The following HRH3 variants were observed in gnomAD, a reference collection of about 807,000 sequenced individuals.
HRH3 encodes the protein histamine H3 receptor.
Under a neutral mutation model 21.6 loss-of-function variants are expected in HRH3, and 13 were observed. The observed-to-expected ratio is 0.60, with a 90% CI of 0.39 to 0.96. The LOEUF is 0.96. Ranked by LOEUF, HRH3 falls within the 40% of genes least tolerant of loss-of-function variation. The probability of loss-of-function intolerance (pLI) is 0.00; values close to 1 mark genes in which losing one functional copy is unlikely to be tolerated. For missense variants in HRH3, 461 were observed against 622.7 expected, an observed-to-expected ratio of 0.74 and a Z score of 2.76; for synonymous variants, 276 against 290.3, an observed-to-expected ratio of 0.95 and a Z score of 0.50.
rs1459081653 is a variant in HRH3, at chr20:62,218,738, C to T, written c.251-81G>A. 7.2e-7 allele frequency: 1 copy of T among 1,385,322 alleles called. No homozygotes were observed. Among genetic ancestry groups the T allele is most frequent in the South Asian group, 1.3e-5 (1 of 78,630 alleles). The allele number at this position is 1,385,322 out of a possible 1,614,324, so 85.8% of individuals were successfully genotyped here. On this transcript the variant is annotated intron_variant, in intron 1 of 2. Coordinates refer to ENST00000340177, the MANE Select transcript of HRH3 (RefSeq NM_007232.3). This position sits in a 1 kb window ranked among gnomAD's most constrained non-coding sequence, Gnocchi z 5.6. ...GACCTAAGCGCAGACACCGGCGGGA[C>T]CTGGGGTCACATGGTGGCTGCTTTT... is the stretch of plus-strand genomic sequence containing the variant.
In HRH3 at chr20:62,215,058, T is replaced by G; in HGVS notation, c.*948A>C. ...GAGCATGCAGAGCGCGTGGCACGGG[T>G]GCACAGCACATGGCGAAGCGGCCCC... is the stretch of plus-strand genomic sequence containing the variant. On this transcript the variant is annotated 3_prime_UTR_variant, in exon 3 of 3. Transcript: ENST00000340177. 1 of 310,150 alleles carries G rather than the reference T, an allele frequency of 3.2e-6. No individual in the cohort carries two copies. 19.2% of individuals were successfully genotyped at this position (310,150 alleles called of 1,614,324 possible).
At chr20:62,217,020 T>G (rs991703424) in intron 2 of HRH3, 94 bp from the exon 3 acceptor site, 6 of 1,189,760 alleles carry the variant, frequency 5.0e-6, no homozygotes, top group Non-Finnish European at 6.9e-6. Context: ...GGCCCTTCCC[T>G]CAGCAGCAAT....
chr20:62,219,894 G>T lies in HRH3; in HGVS notation c.77C>A (p.Ala26Glu). ...GGTCCAGGCTGCCGAGAAGCCGCGC[G>T]CCCCGCCCGCCGCCGCCGCCTCGCC... is the stretch of plus-strand genomic sequence containing the variant. ...LAGEAAAAGG[A>E]RGFSAAWTAV... is the part of the protein sequence containing the mutation. The change falls in exon 1 of 3, where the codon GCG (alanine) becomes GAG (glutamate). Residue 26 changes from alanine to glutamate, a missense_variant. Coordinates refer to ENST00000340177, the MANE Select transcript of HRH3 (RefSeq NM_007232.3). The surrounding 1 kb of genome is among the most constrained non-coding windows in gnomAD (Gnocchi z 8.7). 2 of 1,382,334 alleles carry T rather than the reference G, an allele frequency of 1.4e-6. No individual in the cohort carries two copies. Among genetic ancestry groups the T allele is most frequent in the East Asian group, 3.2e-5 (1 of 31,744 alleles). 85.6% of individuals were successfully genotyped at this position (1,382,334 alleles called of 1,614,324 possible). A position where few individuals can be genotyped will look rare whatever the true frequency, so the allele number is the denominator to read the frequency against.
At chr20:62,217,468 G>A (rs1318029899) in intron 2 of HRH3, among the ~76,000 whole-genome samples, 1 of 152,246 alleles carries the variant, frequency 6.6e-6, no homozygotes, top group African/African-American at 2.4e-5. Context: ...CCCCGCCACA[G>A]AACAAAGCAT....
At chr20:62,216,956 G>C in intron 2 of HRH3, 30 bp from the exon 3 acceptor site, 2 of 1,559,518 alleles carry the variant, frequency 1.3e-6, no homozygotes, top group Non-Finnish European at 1.7e-6. Flanking sequence ...TCAGGGGCGG[G>C]GCGGAAGGAA....
rs1978513838 is a variant in HRH3 at position 62,215,861 on chromosome 20, G to A, written c.*145C>T. 1 of 802,418 alleles carries A rather than the reference G, an allele frequency of 1.2e-6. No homozygotes were observed. Among genetic ancestry groups the A allele is most frequent in the Admixed American group, 2.9e-5 (1 of 34,182 alleles). 49.7% of individuals were successfully genotyped at this position (802,418 alleles called of 1,614,324 possible). A position where few individuals can be genotyped will look rare whatever the true frequency, so the allele number is the denominator to read the frequency against. ...ACCCAGGAAGGCGCCTCCATGGCAGGGTGGCTGCCGTGGCATTAAGAGAGG... is the reference window on the plus strand; with the variant it reads ...ACCCAGGAAGGCGCCTCCATGGCAGAGTGGCTGCCGTGGCATTAAGAGAGG... On this transcript the variant is annotated 3_prime_UTR_variant, in exon 3 of 3. Transcript: ENST00000340177.
rs1978666410 is a variant in HRH3 at position 62,218,363 on chromosome 20, G to GCTGGGACCAAGCTGCTGAC, written c.417+127_417+128insGTCAGCAGCTTGGTCCCAG. 9.1e-7 allele frequency: 1 copy of GCTGGGACCAAGCTGCTGAC among 1,099,174 alleles called. No individual in the cohort carries two copies. 68.1% of individuals were successfully genotyped at this position (1,099,174 alleles called of 1,614,324 possible). Reference sequence around the variant, plus strand: ...CCGTCGAGTGGCCCATGTGTCAGCAGCAAAGCCAGTGGGACCAAGCCCACT... The same window carrying GCTGGGACCAAGCTGCTGAC: ...CCGTCGAGTGGCCCATGTGTCAGCAGCTGGGACCAAGCTGCTGACCAAAGCCAGTGGGACCAAGCCCACT... On this transcript the variant is annotated intron_variant, in intron 2 of 2. Coordinates refer to ENST00000340177, the MANE Select transcript of HRH3 (RefSeq NM_007232.3). This position sits in a 1 kb window ranked among gnomAD's most constrained non-coding sequence, Gnocchi z 5.6.
rs1168594871 is a variant in HRH3 at position 62,216,016 on chromosome 20, CA to C, written c.1327del (p.Cys443AlafsTer37). ...GCTCTGGTGGGCCACTCACTTCCAG[CA>C]GTGCTCCAGGGAGCTGTGGGGCTGG... ...KIQPHSSLEH[C>X]WK On this transcript the variant is annotated frameshift_variant, in exon 3 of 3. Coordinates refer to ENST00000340177, the MANE Select transcript of HRH3 (RefSeq NM_007232.3). LOFTEE classifies it high-confidence loss of function. 12 of 1,572,972 alleles carry C rather than the reference CA, an allele frequency of 7.6e-6. No individual in the cohort carries two copies. Among genetic ancestry groups the C allele is most frequent in the Non-Finnish European group, 1.0e-5 (12 of 1,159,356 alleles).
chr20:62,220,059 C>T lies in HRH3; in HGVS notation c.-89G>A, dbSNP rs1261973108. The stretch of plus-strand genomic sequence containing the variant: ...GGGAGGGGCCCCGGCCCGGGAGCCT[C>T]GTCTTTGCGGGCCCTTGGCCGGGTC... On this transcript the variant is annotated 5_prime_UTR_variant, in exon 1 of 3. Coordinates refer to ENST00000340177, the MANE Select transcript of HRH3 (RefSeq NM_007232.3). 1.0e-6 allele frequency: 1 copy of T among 970,380 alleles called. No homozygotes were observed. Among genetic ancestry groups the T allele is most frequent in the Non-Finnish European group, 1.2e-6 (1 of 817,698 alleles). The allele number at this position is 970,380 out of a possible 1,614,324, so 60.1% of individuals were successfully genotyped here. A position where few individuals can be genotyped will look rare whatever the true frequency, so the allele number is the denominator to read the frequency against.
rs200044504 is a variant in HRH3, at chr20:62,215,456, G to A, written c.*550C>T. On this transcript the variant is annotated 3_prime_UTR_variant, in exon 3 of 3. Transcript: ENST00000340177. ...CAGAGAACAGCTTCGAGGTTCCTAGGGCCCCTTGACACTTTTGGGGGCAGA... is the reference window on the plus strand; with the variant it reads ...CAGAGAACAGCTTCGAGGTTCCTAGAGCCCCTTGACACTTTTGGGGGCAGA... 4.4e-6 allele frequency: 2 copies of A among 457,180 alleles called. No individual in the cohort carries two copies. Among genetic ancestry groups the A allele is most frequent in the Non-Finnish European group, 8.8e-6 (2 of 227,384 alleles). 28.3% of individuals were successfully genotyped at this position (457,180 alleles called of 1,614,324 possible). A position where few individuals can be genotyped will look rare whatever the true frequency, so the allele number is the denominator to read the frequency against.
Position 62,216,504 on chromosome 20 carries a change from C to T in HRH3, c.840G>A (p.Ala280=), listed in dbSNP as rs767198761. Residue 280 remains alanine, a synonymous_variant, in exon 3 of 3, where the codon GCG becomes GCA. Coordinates refer to ENST00000340177, the MANE Select transcript of HRH3 (RefSeq NM_007232.3). ...CCTCCCCGGCCTCAGCGCCTACGGCCGCCTCACCCACCCCATACCTGTGCA... is the reference window on the plus strand; with the variant it reads ...CCTCCCCGGCCTCAGCGCCTACGGCTGCCTCACCCACCCCATACCTGTGCA... ...MPLHRYGVGE[A]AVGAEAGEAT... is the part of the protein sequence containing the mutation. 34 of 1,582,522 alleles carry T rather than the reference C, an allele frequency of 2.1e-5. No individual in the cohort carries two copies. Among genetic ancestry groups the T allele is most frequent in the African/African-American group, 1.9e-4 (14 of 74,176 alleles).
chr20:62,217,772 G>C (rs548753451), intron 2 of HRH3, among the ~76,000 whole-genome samples: 1 of 152,186 alleles, frequency 6.6e-6, no homozygotes, highest in Non-Finnish European at 1.5e-5. Flanking sequence ...TTTACCCTTC[G>C]TGGCAGCTCT....
In HRH3 at chr20:62,219,866, C is replaced by T. The variant is rs1231034797; in HGVS notation, c.105G>A (p.Ala35=). ...GCAGCGCCATGAGCGCGGCCAGCACCGCGGTCCAGGCTGCCGAGAAGCCGC... is the reference window on the plus strand; with the variant it reads ...GCAGCGCCATGAGCGCGGCCAGCACTGCGGTCCAGGCTGCCGAGAAGCCGC... ...GARGFSAAWT[A]VLAALMALLI... Residue 35 remains alanine, a synonymous_variant, in exon 1 of 3, where the codon GCG becomes GCA. Transcript: ENST00000340177. This position sits in a 1 kb window ranked among gnomAD's most constrained non-coding sequence, Gnocchi z 8.7. 2.4e-5 allele frequency: 37 copies of T among 1,531,972 alleles called. No individual in the cohort carries two copies. The highest frequency in any genetic ancestry group is 3.1e-5 in the Non-Finnish European group (36 of 1,144,574). 94.9% of individuals were successfully genotyped at this position (1,531,972 alleles called of 1,614,324 possible).
At position 62,216,524 on chromosome 20, in the gene HRH3, T is replaced by G. The variant is rs753609944; in HGVS notation, c.820A>C (p.Arg274=). ...ACGGCCGCCTCACCCACCCCATACC[T>G]GTGCAGCGGCATGGCCTCCCCGTGC... ...KGHGEAMPLH[R]YGVGEAAVGA... The change falls in exon 3 of 3, where the codon AGG becomes CGG. Residue 274 remains arginine (R), a synonymous_variant. Transcript: ENST00000340177. 2.1e-5 allele frequency: 34 copies of G among 1,597,998 alleles called. No individual in the cohort carries two copies. Among genetic ancestry groups the G allele is most frequent in the Non-Finnish European group, 8.5e-7 (1 of 1,173,646 alleles).
In HRH3 at chr20:62,218,782, A is replaced by C; in HGVS notation, c.251-125T>G. The C allele has an allele frequency of 1.5e-5, 13 of 865,058 alleles. No individual in the cohort carries two copies. Among genetic ancestry groups the C allele is most frequent in the Non-Finnish European group, 2.3e-5 (13 of 568,842 alleles). 53.6% of individuals were successfully genotyped at this position (865,058 alleles called of 1,614,324 possible). A position where few individuals can be genotyped will look rare whatever the true frequency, so the allele number is the denominator to read the frequency against. On this transcript the variant is annotated intron_variant, in intron 1 of 2. Transcript: ENST00000340177. This position sits in a 1 kb window ranked among gnomAD's most constrained non-coding sequence, Gnocchi z 5.6. ...TGCTTTTCTGGAACTAGCCATCCTC[A>C]TCTTACCACCCCTCCACCTGGTGTC...
Position 62,215,716 on chromosome 20 carries a change from C to T in HRH3, c.*290G>A. The stretch of plus-strand genomic sequence containing the variant: ...ACCAGTAACTGCGAAGGGTGGGCAC[C>T]AGCAGGGGGTGGGCAGCATGTCTGG... On this transcript the variant is annotated 3_prime_UTR_variant, in exon 3 of 3. Coordinates refer to ENST00000340177, the MANE Select transcript of HRH3 (RefSeq NM_007232.3). 2.0e-6 allele frequency: 1 copy of T among 499,600 alleles called. No individual in the cohort carries two copies. The highest frequency in any genetic ancestry group is 3.7e-6 in the Non-Finnish European group (1 of 273,484). 30.9% of individuals were successfully genotyped at this position (499,600 alleles called of 1,614,324 possible). A position where few individuals can be genotyped will look rare whatever the true frequency, so the allele number is the denominator to read the frequency against.
At position 62,219,734 on chromosome 20, in the gene HRH3, G is replaced by A. The variant is rs200026220; in HGVS notation, c.237C>T (p.Ser79=). 6.2e-7 allele frequency: 1 copy of A among 1,600,790 alleles called. No individual in the cohort carries two copies. The highest frequency in any genetic ancestry group is 1.3e-5 in the African/African-American group (1 of 74,186). The change falls in exon 1 of 3, where the codon TCC becomes TCT. Residue 79 remains serine, a synonymous_variant. Coordinates refer to ENST00000340177, the MANE Select transcript of HRH3 (RefSeq NM_007232.3). This position sits in a 1 kb window ranked among gnomAD's most constrained non-coding sequence, Gnocchi z 8.7. ...NNFFLLNLAI[S]DFLVGAFCIP... The stretch of plus-strand genomic sequence containing the variant: ...CTGGGGATTTACCGACGAGGAAGTC[G>A]GAGATGGCGAGGTTGAGCAGGAAGA...
Position 62,216,425 on chromosome 20 carries a change from A to G in HRH3, c.919T>C (p.Ser307Pro), listed in dbSNP as rs1341989440. 1 of 1,538,150 alleles carries G rather than the reference A, an allele frequency of 6.5e-7. No individual in the cohort carries two copies. The highest frequency in any genetic ancestry group is 2.5e-5 in the East Asian group (1 of 40,730). The part of the protein sequence containing the change: ...GGSVASPTSS[S>P]GSSSRGTERP... ...TCAGTGCCCCTCGAGGAGCTGCCGG[A>G]GCTGGAGGTGGGTGAAGCCACGGAG... is the stretch of plus-strand genomic sequence containing the variant. Residue 307 changes from serine to proline, a missense_variant, in exon 3 of 3, where the codon TCC becomes CCC. Ser to Pro is a moderately conservative substitution (Grantham distance 74). This residue lies in a region of HRH3 where 163 missense variants were observed against 139.4 expected (regional missense o/e 1.17). Transcript: ENST00000340177.
In HRH3 at chr20:62,215,817, G is replaced by C. The variant is rs1485528975; in HGVS notation, c.*189C>G. On this transcript the variant is annotated 3_prime_UTR_variant, in exon 3 of 3. Transcript: ENST00000340177. ...GGCCACCCAGCCTCCAGTCCAGCCAGTGAGGGGCCCTCTGGCCAACCCAGG... is the reference window on the plus strand; with the variant it reads ...GGCCACCCAGCCTCCAGTCCAGCCACTGAGGGGCCCTCTGGCCAACCCAGG... 2 of 622,756 alleles carry C rather than the reference G, an allele frequency of 3.2e-6. No homozygotes were observed. The highest frequency in any genetic ancestry group is 3.7e-5 in the African/African-American group (2 of 54,264). 38.6% of individuals were successfully genotyped at this position (622,756 alleles called of 1,614,324 possible).
Sources: gnomAD v4.1 joint callset for allele counts (sites outside exome capture counted in the v4.1 genomes callset) on GRCh38, gnomAD v4.1.1 for gene constraint, gnomAD v4.1.1 regional missense constraint, Gnocchi (gnomAD v3.1) non-coding constraint, MANE v1.5 for transcripts, NCBI Gene and HGNC (gene_info 2026-07-23, HGNC 2026-07-21) for gene names.